TOMM70: variants seen among roughly 807,000 people sequenced by gnomAD.
The protein encoded by TOMM70 is mitochondrial import receptor subunit TOM70.
Under a neutral mutation model 73.6 loss-of-function variants are expected in TOMM70, and 13 were observed. That is an observed-to-expected ratio of 0.18 (90% CI 0.11 to 0.28). The LOEUF is 0.28. TOMM70 is among the 10% of genes least tolerant of loss of function. The pLI, the probability that TOMM70 is intolerant of heterozygous loss-of-function variation, is 1.00. For missense variants in TOMM70, 609 were observed against 747.5 expected (o/e 0.81, Z 2.16); for synonymous variants, 257 against 271.2 (o/e 0.95, Z 0.51).
At chr3:100,392,119 T>C (rs1316302828) in intron 1 of TOMM70, among the ~76,000 whole-genome samples, 2 of 152,236 alleles carry the variant, frequency 1.3e-5, no homozygotes, top group Non-Finnish European at 2.9e-5. Context: ...CCATATAGCA[T>C]AGGTGCGTAG....
chr3:100,384,599 T>C lies in TOMM70; in HGVS notation c.626-11A>G, dbSNP rs376703116. ...ACACAGCAGTGACATCTAGAAATGA[T>C]GAAAAACACAAGGGTAAATATAAAA... is the stretch of plus-strand genomic sequence containing the variant. On this transcript the variant is annotated splice_polypyrimidine_tract_variant and intron_variant, in intron 3 of 11. Transcript: ENST00000284320. The C allele has an allele frequency of 2.7e-5, 41 of 1,517,414 alleles. No homozygotes were observed. Among genetic ancestry groups the C allele is most frequent in the Admixed American group, 6.2e-5 (3 of 48,360 alleles). The allele number at this position is 1,517,414 out of a possible 1,614,324, so 94.0% of individuals were successfully genotyped here. A position where few individuals can be genotyped will look rare whatever the true frequency, so the allele number is the denominator to read the frequency against.
chr3:100,387,054 T>A, intron 1 of TOMM70, 76 bp from the exon 2 acceptor site: 1 of 1,466,220 alleles, frequency 6.8e-7, no homozygotes, highest in Non-Finnish European at 9.3e-7. Context: ...AACAATAAAT[T>A]GATAAAAACA....
intron 9 of TOMM70, among the ~76,000 whole-genome samples, chr3:100,371,567 A>C (rs888313546): frequency 6.6e-6 from 1 of 152,098 alleles, no homozygotes; most frequent in Non-Finnish European, 1.5e-5. Flanking sequence ...ACACCCAGCC[A>C]GGGGATAGTA....
intron 5 of TOMM70, among the ~76,000 whole-genome samples, chr3:100,378,894 C>T (rs896249737): frequency 6.6e-6 from 1 of 152,050 alleles, no homozygotes; most frequent in African/African-American, 2.4e-5. Flanking sequence ...ATAGTCCCAG[C>T]TACTCGGGAG....
Position 100,401,050 on chromosome 3 carries a change from G to C in TOMM70, c.-101C>G, listed in dbSNP as rs1042526593. 8.0e-7 allele frequency: 1 copy of C among 1,243,538 alleles called. No homozygotes were observed. The highest frequency in any genetic ancestry group is 2.1e-5 in the Admixed American group (1 of 47,272). The allele number at this position is 1,243,538 out of a possible 1,614,324, so 77.0% of individuals were successfully genotyped here. On this transcript the variant is annotated 5_prime_UTR_variant, in exon 1 of 12. Coordinates refer to ENST00000284320, the MANE Select transcript of TOMM70 (RefSeq NM_014820.5). ...GAGGGAGGGAAGGAAAGCAATGAGC[G>C]AGCGAGCACGCTAGGCAGAGAGAGC...
chr3:100,365,711 G>A lies in TOMM70; in HGVS notation c.1680C>T (p.Asn560=). 6.2e-7 allele frequency: 1 copy of A among 1,613,966 alleles called. No individual in the cohort carries two copies. The highest frequency in any genetic ancestry group is 8.5e-7 in the Non-Finnish European group (1 of 1,179,910). The part of the protein sequence containing the change: ...TMGTIEVQRG[N]MEKAIDMFNK... ...TGAACATGTCAATGGCTTTCTCCATGTTTCCTCTAAAAGAACAAAATTTTT... is the reference window on the plus strand; with the variant it reads ...TGAACATGTCAATGGCTTTCTCCATATTTCCTCTAAAAGAACAAAATTTTT... Residue 560 remains asparagine, a synonymous_variant, in exon 12 of 12, where the codon AAC becomes AAT. Transcript: ENST00000284320.
intron 10 of TOMM70, 96 bp downstream of exon 10, chr3:100,368,942 C>T: frequency 1.2e-6 from 1 of 829,610 alleles, no homozygotes; most frequent in Non-Finnish European, 1.9e-6. Flanking sequence ...ATTAACTTCT[C>T]TACCACAGTC....
intron 9 of TOMM70, among the ~76,000 whole-genome samples, chr3:100,369,837 A>AT (rs555156309): frequency 2.0e-5 from 3 of 152,192 alleles, no homozygotes; most frequent in Non-Finnish European, 4.4e-5. Context: ...ATTTGGAAGT[A>AT]TAAGTTAAGA....
intron 1 of TOMM70, among the ~76,000 whole-genome samples, chr3:100,390,038 T>TA (rs543020303): frequency 0.011 from 1,682 of 150,906 alleles, 20 homozygotes; most frequent in African/African-American, 0.032. Flanking sequence ...TGACTCCATC[T>TA]AAAAAAAAAG....
In TOMM70 at chr3:100,375,095, A is replaced by C. The variant is rs753907950; in HGVS notation, c.1150T>G (p.Leu384Val). 6.2e-7 allele frequency: 1 copy of C among 1,610,688 alleles called. No homozygotes were observed. Among genetic ancestry groups the C allele is most frequent in the South Asian group, 1.1e-5 (1 of 90,130 alleles). ...GSMYMQQQQP[L>V]LSTQDFNMAA... is the part of the protein sequence containing the mutation. Reference sequence around the variant, plus strand: ...ATGTTAAAATCTTGAGTGGACAGCAAAGGCTGCTGCTGTTGCATGTACATG... The same window carrying C: ...ATGTTAAAATCTTGAGTGGACAGCACAGGCTGCTGCTGTTGCATGTACATG... The change falls in exon 7 of 12, where the codon TTG becomes GTG. Residue 384 changes from leucine to valine, a missense_variant. Physicochemically the swap from Leu to Val is conservative, Grantham distance 32. This residue lies in a region of TOMM70 where 432 missense variants were observed against 584.1 expected (regional missense o/e 0.74). Transcript: ENST00000284320.
intron 1 of TOMM70, among the ~76,000 whole-genome samples, chr3:100,397,626 C>T (rs1467471502): frequency 6.6e-6 from 1 of 152,230 alleles, no homozygotes; most frequent in East Asian, 1.9e-4. Flanking sequence ...GGCAGTGGCT[C>T]ATGCCTGTAA....
At chr3:100,367,909 AT>A (rs369541783) in intron 11 of TOMM70, 134 bp downstream of exon 11, 397 of 957,946 alleles carry the variant, frequency 4.1e-4, no homozygotes, top group South Asian at 5.2e-4. Flanking sequence ...GCCTTAGCAC[AT>A]TTTTTTTTCC....
intron 8 of TOMM70, 29 bp downstream of exon 8, chr3:100,373,509 A>G: frequency 6.5e-7 from 1 of 1,528,008 alleles, no homozygotes; most frequent in Non-Finnish European, 8.9e-7. Context: ...AGTGATGTTT[A>G]GGAAAATACA....
At chr3:100,373,907 AC>A (rs772507602) in intron 7 of TOMM70, among the ~76,000 whole-genome samples, 2 of 152,178 alleles carry the variant, frequency 1.3e-5, no homozygotes, top group East Asian at 3.8e-4. Flanking sequence ...TAAGCAAGAA[AC>A]CCCTTCTTCT....
chr3:100,389,579 T>C (rs1706735812), intron 1 of TOMM70, among the ~76,000 whole-genome samples: 1 of 151,990 alleles, frequency 6.6e-6, no homozygotes, highest in Non-Finnish European at 1.5e-5. Flanking sequence ...AAAAAAGGAA[T>C]GTAAAAAGTT....
chr3:100,381,368 T>C (rs1166749795), intron 5 of TOMM70, among the ~76,000 whole-genome samples: 2 of 152,146 alleles, frequency 1.3e-5, no homozygotes, highest in Non-Finnish European at 2.9e-5. Flanking sequence ...ATATAGGACC[T>C]TGAGTAAAAG....
chr3:100,365,690 CAT>C lies in TOMM70; in HGVS notation c.1699_1700del (p.Met567ValfsTer6). 1 of 1,614,172 alleles carries C rather than the reference CAT, an allele frequency of 6.2e-7. No individual in the cohort carries two copies. Among genetic ancestry groups the C allele is most frequent in the East Asian group, 2.2e-5 (1 of 44,884 alleles). ...QRGNMEKAID[M>X]FNKAINLAKS... is the part of the protein sequence containing the mutation. ...TGGCCAGGTTAATAGCTTTGTTGAA[CAT>C]GTCAATGGCTTTCTCCATGTTTCCT... On this transcript the variant is annotated frameshift_variant, in exon 12 of 12. Coordinates refer to ENST00000284320, the MANE Select transcript of TOMM70 (RefSeq NM_014820.5). LOFTEE classifies it high-confidence loss of function.
rs61515802 is a variant in TOMM70 at position 100,371,259 on chromosome 3, A to ATTTT, written c.1452+1343_1452+1346dup. Among the ~76,000 whole-genome samples the ATTTT allele has an allele frequency of 4.3e-3, 421 of 98,626 alleles. 9 individuals are homozygous for ATTTT. Among genetic ancestry groups the ATTTT allele is most frequent in the African/African-American group, 0.015 (392 of 25,578 alleles). The allele number at this position is 98,626 out of a possible 152,430, so 64.7% of individuals were successfully genotyped here. A position where few individuals can be genotyped will look rare whatever the true frequency, so the allele number is the denominator to read the frequency against. On this transcript the variant is annotated intron_variant, in intron 9 of 11. Coordinates refer to ENST00000284320, the MANE Select transcript of TOMM70 (RefSeq NM_014820.5). ...AGGAGAGGGGTCAACCAGCGATGGT[A>ATTTT]TTTTTTTTTTTTTTTTTTTTTTTTG...
In TOMM70 at chr3:100,368,062, C is replaced by G; in HGVS notation, c.1655G>C (p.Gly552Ala). 1.9e-6 allele frequency: 3 copies of G among 1,613,702 alleles called. No homozygotes were observed. Among genetic ancestry groups the G allele is most frequent in the African/African-American group, 1.3e-5 (1 of 75,004 alleles). Residue 552 changes from glycine to alanine, a missense_variant, in exon 11 of 12, where the codon GGA becomes GCA. Physicochemically the swap from Gly to Ala is moderately conservative, Grantham distance 60. Transcript: ENST00000284320. ...NKCDFAYETM[G>A]TIEVQRGNME... ...AAGTTACCTTTGTACTTCAATAGTT[C>G]CCATGGTTTCATAGGCAAAATCACA...
Sources: gnomAD v4.1 joint callset for allele counts (sites outside exome capture counted in the v4.1 genomes callset) on GRCh38, gnomAD v4.1.1 for gene constraint, gnomAD v4.1.1 regional missense constraint, MANE v1.5 for transcripts, NCBI Gene and HGNC (gene_info 2026-07-23, HGNC 2026-07-21) for gene names.